Variants in RSU1 observed in about 807,000 individuals in gnomAD.
RSU1 encodes the protein Ras suppressor protein 1, also known as rsu-1.
In RSU1, 26 loss-of-function variants were observed where a neutral mutation model predicts 31.1. That is an observed-to-expected ratio of 0.84 (90% confidence interval 0.61 to 1.16). RSU1 has a LOEUF of 1.16. RSU1 is among the 50% of genes most tolerant of loss of function. The probability of loss-of-function intolerance (pLI) is 0.00; values close to 1 mark genes in which losing one functional copy is unlikely to be tolerated. For missense variants in RSU1, 320 were observed against 339.1 expected (o/e 0.94, Z 0.44); for synonymous variants, 164 against 136.3 (o/e 1.20, Z -1.41).
chr10:16,745,255 G>GAATCAAGGCTAA (rs1245172352), intron 7 of RSU1, among the ~76,000 whole-genome samples: 2 of 152,146 alleles, frequency 1.3e-5, no homozygotes, highest in Non-Finnish European at 2.9e-5. Context: ...ACTCATTCCT[G>GAATCAAGGCTAA]AATCAAGGCT....
At chr10:16,600,975 G>A (rs1833706885) in intron 8 of RSU1, among the ~76,000 whole-genome samples, 2 of 152,114 alleles carry the variant, frequency 1.3e-5, no homozygotes, top group Admixed American at 6.5e-5. Context: ...ACCCCACCCC[G>A]CGGAGCCATT....
At chr10:16,669,905 C>T (rs1169523798) in intron 8 of RSU1, among the ~76,000 whole-genome samples, 3 of 152,062 alleles carry the variant, frequency 2.0e-5, no homozygotes, top group Non-Finnish European at 4.4e-5. Flanking sequence ...ACTTACATGC[C>T]CAAAGTCAGA....
chr10:16,689,155 T>C (rs1835495673), intron 8 of RSU1, among the ~76,000 whole-genome samples: 5 of 152,232 alleles, frequency 3.3e-5, no homozygotes, highest in African/African-American at 9.6e-5. Context: ...ATACTGATTG[T>C]CACTATGTTC....
chr10:16,636,863 C>G (rs921412290), intron 8 of RSU1, among the ~76,000 whole-genome samples: 4 of 152,190 alleles, frequency 2.6e-5, no homozygotes, highest in African/African-American at 9.7e-5. Flanking sequence ...ATCCCCTACC[C>G]CTCACATTCT....
At chr10:16,789,581 A>C (rs191357516) in intron 2 of RSU1, among the ~76,000 whole-genome samples, 7 of 152,206 alleles carry the variant, frequency 4.6e-5, no homozygotes, top group African/African-American at 1.7e-4. Context: ...TTAGAAAAGA[A>C]GGGAGAAAAG....
intron 4 of RSU1, among the ~76,000 whole-genome samples, chr10:16,759,449 G>A (rs1380777519): frequency 1.3e-5 from 2 of 152,206 alleles, no homozygotes; most frequent in Non-Finnish European, 2.9e-5. Context: ...ATAGGTTGCA[G>A]TGAGCGGAGA....
intron 8 of RSU1, among the ~76,000 whole-genome samples, chr10:16,614,721 C>T (rs1010509527): frequency 6.6e-6 from 1 of 151,970 alleles, no homozygotes; most frequent in African/African-American, 2.4e-5. Context: ...AAGCAAGCTG[C>T]CTTAGATGAC....
At chr10:16,614,199 G>C (rs1008921131) in intron 8 of RSU1, among the ~76,000 whole-genome samples, 3 of 152,044 alleles carry the variant, frequency 2.0e-5, no homozygotes, top group African/African-American at 7.2e-5. Context: ...TTCAAATTAG[G>C]TATAACATAT....
chr10:16,749,409 T>C (rs1187945276), intron 7 of RSU1, among the ~76,000 whole-genome samples: 2 of 152,220 alleles, frequency 1.3e-5, no homozygotes, highest in Admixed American at 1.3e-4. Context: ...TCTGGATTTA[T>C]TATGAAAGGA....
At chr10:16,682,133 G>A (rs952001311) in intron 8 of RSU1, among the ~76,000 whole-genome samples, 1 of 152,162 alleles carries the variant, frequency 6.6e-6, no homozygotes. Context: ...CAAAAATCAT[G>A]AAGGCTGTAG....
intron 8 of RSU1, among the ~76,000 whole-genome samples, chr10:16,665,429 C>G (rs1834970604): frequency 6.6e-6 from 1 of 152,128 alleles, no homozygotes; most frequent in South Asian, 2.1e-4. Context: ...AACCCACCAC[C>G]CAAATACACT....
intron 7 of RSU1, among the ~76,000 whole-genome samples, chr10:16,696,554 A>G (rs1835679755): frequency 6.6e-6 from 1 of 152,230 alleles, no homozygotes; most frequent in Non-Finnish European, 1.5e-5. Context: ...ATCAAGAGAG[A>G]GTAATTCATC....
intron 7 of RSU1, among the ~76,000 whole-genome samples, chr10:16,718,298 T>G (rs1398614286): frequency 1.3e-5 from 2 of 152,004 alleles, no homozygotes; most frequent in Non-Finnish European, 2.9e-5. Context: ...TAATAAAAAT[T>G]GACATCAAAA....
chr10:16,658,683 CA>C (rs1354767597), intron 8 of RSU1, among the ~76,000 whole-genome samples: 5 of 152,166 alleles, frequency 3.3e-5, no homozygotes, highest in African/African-American at 1.2e-4. Context: ...GAGATCGCGC[CA>C]CTGACCTCTA....
chr10:16,684,752 C>T (rs941362699), intron 8 of RSU1, among the ~76,000 whole-genome samples: 3 of 151,914 alleles, frequency 2.0e-5, no homozygotes, highest in Admixed American at 6.6e-5. Context: ...CCAAAGCAAA[C>T]GAATACAAAT....
intron 2 of RSU1, among the ~76,000 whole-genome samples, chr10:16,812,278 C>T (rs1357866584): frequency 2.0e-5 from 3 of 152,106 alleles, no homozygotes; most frequent in Admixed American, 2.0e-4. Context: ...CCCGTCTCTA[C>T]TAAAAATATA....
intron 7 of RSU1, among the ~76,000 whole-genome samples, chr10:16,706,702 C>G (rs913478946): frequency 6.6e-6 from 1 of 152,068 alleles, no homozygotes; most frequent in Admixed American, 6.6e-5. Context: ...TATTCATCAC[C>G]TCATGCACGT....
chr10:16,603,442 C>T (rs1378550207), intron 8 of RSU1, among the ~76,000 whole-genome samples: 9 of 152,108 alleles, frequency 5.9e-5, no homozygotes, highest in East Asian at 3.9e-4. Context: ...TAAAAATTCC[C>T]GGAGCAGATG....
At chr10:16,608,077 C>T (rs1018150672) in intron 8 of RSU1, among the ~76,000 whole-genome samples, 1 of 152,094 alleles carries the variant, frequency 6.6e-6, no homozygotes, top group Non-Finnish European at 1.5e-5. Context: ...GCCATCCACC[C>T]GCCTTGGCCT....
Sources: gnomAD v4.1 joint callset for allele counts (sites outside exome capture counted in the v4.1 genomes callset) on GRCh38, gnomAD v4.1.1 for gene constraint, MANE v1.5 for transcripts, NCBI Gene and HGNC (gene_info 2026-07-23, HGNC 2026-07-21) for gene names.